Variants in FNBP4 observed in about 807,000 individuals in gnomAD.
FNBP4 encodes formin binding protein 4.
Under a neutral mutation model 119.3 loss-of-function variants are expected in FNBP4, and 34 were observed. The ratio of observed to expected loss-of-function variants is 0.28; its 90% CI spans 0.22 to 0.38. The LOEUF (loss-of-function observed/expected upper bound fraction) is 0.38, where lower values mean the gene tolerates loss of function less well. Ranked by LOEUF, FNBP4 falls within the 10% of genes least tolerant of loss-of-function variation. The probability of loss-of-function intolerance (pLI) is 1.00; values close to 1 mark genes in which losing one functional copy is unlikely to be tolerated. For missense variants in FNBP4, 1,112 were observed against 1,228.9 expected (o/e 0.90, Z 1.42); for synonymous variants, 462 against 430.6 (o/e 1.07, Z -0.90).
intron 12 of FNBP4, among the ~76,000 whole-genome samples, chr11:47,730,395 T>C (rs1420797367): frequency 6.6e-6 from 1 of 152,238 alleles, no homozygotes; most frequent in Non-Finnish European, 1.5e-5. Flanking sequence ...CAGTTGTATG[T>C]GACCTGCTGA....
intron 2 of FNBP4, among the ~76,000 whole-genome samples, chr11:47,764,138 C>G (rs1474499175): frequency 1.3e-5 from 2 of 151,658 alleles, no homozygotes; most frequent in Non-Finnish European, 2.9e-5. Flanking sequence ...TTATTTGAGA[C>G]AGGTTCTTAC....
chr11:47,721,754 T>C (rs996435166), intron 15 of FNBP4, among the ~76,000 whole-genome samples: 5 of 151,634 alleles, frequency 3.3e-5, no homozygotes, highest in Non-Finnish European at 7.4e-5. Flanking sequence ...TTTCAAAAGG[T>C]GGTATTTGTA....
chr11:47,762,990 C>A (rs190543185), intron 2 of FNBP4, among the ~76,000 whole-genome samples: 3 of 151,878 alleles, frequency 2.0e-5, no homozygotes, highest in African/African-American at 7.2e-5. Flanking sequence ...CCCACCTCAG[C>A]CTCCCAAAGC....
Position 47,767,211 on chromosome 11 carries a change from C to G in FNBP4, c.78G>C (p.Thr26=), listed in dbSNP as rs200802680. ...GTTCCGGCTCCGGGTCCCGGCCCGG[C>G]GTGCTGCCCCGAGGACCCGGCGGAG... ...QLSPPGPRGS[T]PGRDPEPEPD... is the part of the protein sequence containing the mutation. Residue 26 remains threonine, a synonymous_variant, in exon 1 of 17, where the codon ACG becomes ACC. Transcript: ENST00000263773. 2.6e-6 allele frequency: 4 copies of G among 1,565,882 alleles called. No homozygotes were observed. In the South Asian group the frequency reaches 4.7e-5, roughly 18 times the overall value.
In FNBP4 at chr11:47,724,017, T is replaced by C. The variant is rs779644385; in HGVS notation, c.2464+11A>G. ...TACATTGAGGAAAAACCACGCTCTA[T>C]GCACAATTACCTGTAGCTATAGCTG... On this transcript the variant is annotated intron_variant, in intron 14 of 16. Transcript: ENST00000263773. 8.7e-6 allele frequency: 14 copies of C among 1,612,652 alleles called. No homozygotes were observed. The highest frequency in any genetic ancestry group is 3.3e-4 in the Middle Eastern group (2 of 6,040).
At position 47,732,618 on chromosome 11, in the gene FNBP4, C is replaced by T. The variant is rs774140782; in HGVS notation, c.1739G>A (p.Arg580Gln). The change falls in exon 11 of 17, where the codon CGA (arginine) becomes CAA (glutamine). Residue 580 changes from arginine (R) to glutamine (Q), a missense_variant. Physicochemically the swap from Arg to Gln is conservative, Grantham distance 43 (BLOSUM62 1). This residue lies in a region of FNBP4 where 826 missense variants were observed against 988.8 expected (regional missense o/e 0.84). Coordinates refer to ENST00000263773, the MANE Select transcript of FNBP4 (RefSeq NM_015308.5). This position sits in a 1 kb window ranked among gnomAD's most constrained non-coding sequence, Gnocchi z 4.2. ...EGALNGNYLKRKLQDAAEQLK... is the reference protein window; with the variant it reads ...EGALNGNYLKQKLQDAAEQLK... ...TTGTTCTGCTGCATCCTGAAGTTTT[C>T]GTTTAAGGTAGTTTCCATTAAGAGC... The T allele has an allele frequency of 9.9e-6, 16 of 1,614,022 alleles. No homozygotes were observed. Among genetic ancestry groups the T allele is most frequent in the Admixed American group, 1.7e-5 (1 of 59,998 alleles).
At chr11:47,729,536 CTTG>C (rs1565127193) in intron 12 of FNBP4, 1 of 982,094 alleles carries the variant, frequency 1.0e-6, no homozygotes, top group Non-Finnish European at 1.2e-6. Context: ...GAGACAGGGT[CTTG>C]TTCTCTGTCG....
intron 8 of FNBP4, among the ~76,000 whole-genome samples, chr11:47,742,456 G>GGACA (rs1238459088): frequency 9.8e-6 from 1 of 101,890 alleles, no homozygotes; most frequent in Non-Finnish European, 1.9e-5. Context: ...CCAGGCTGGG[G>GGACA]GACAGAGCAA....
At chr11:47,723,879 G>GTT (rs78450562) in intron 14 of FNBP4, 149 bp downstream of exon 14, 8,086 of 547,964 alleles carry the variant, frequency 0.015, no homozygotes, top group South Asian at 0.025. Context: ...ACTGTCAAAA[G>GTT]TTTTTTTTTT....
intron 12 of FNBP4, chr11:47,726,493 A>G (rs1445880307): frequency 6.7e-6 from 1 of 150,178 alleles, no homozygotes; most frequent in Non-Finnish European, 1.5e-5. Flanking sequence ...CTTTTTATGG[A>G]ACAGACAGAC....
chr11:47,746,218 T>A lies in FNBP4; in HGVS notation c.1083A>T (p.Thr361=). The part of the protein sequence containing the change: ...PVSEVKETST[T]VEEATTIVKP... ...TTACTATTGTTGTTGCTTCTTCTAC[T>A]GTTGTACTTGTTTCTTTTACTTCTG... Residue 361 remains threonine (T), a synonymous_variant, in exon 7 of 17, where the codon ACA becomes ACT. Transcript: ENST00000263773. 4 of 1,614,204 alleles carry A rather than the reference T, an allele frequency of 2.5e-6. No homozygotes were observed. Among genetic ancestry groups the A allele is most frequent in the Non-Finnish European group, 3.4e-6 (4 of 1,180,028 alleles).
intron 12 of FNBP4, among the ~76,000 whole-genome samples, chr11:47,730,958 G>A (rs540627668): frequency 1.1e-3 from 174 of 152,280 alleles, no homozygotes; most frequent in Admixed American, 3.0e-3. Flanking sequence ...AAGATTAGTG[G>A]AGGTGAGAAA....
intron 12 of FNBP4, 22 bp downstream of exon 12, chr11:47,731,352 A>G (rs753756387): frequency 1.3e-6 from 2 of 1,565,958 alleles, no homozygotes; most frequent in East Asian, 2.3e-5. Context: ...TGGCTGAATT[A>G]GTACAAGGTA....
chr11:47,717,378 CACAAA>C lies in FNBP4; in HGVS notation c.*39_*43del. 2 of 1,345,352 alleles carry C rather than the reference CACAAA, an allele frequency of 1.5e-6. No individual in the cohort carries two copies. The highest frequency in any genetic ancestry group is 2.1e-6 in the Non-Finnish European group (2 of 951,148). 83.3% of individuals were successfully genotyped at this position (1,345,352 alleles called of 1,614,324 possible). A position where few individuals can be genotyped will look rare whatever the true frequency, so the allele number is the denominator to read the frequency against. On this transcript the variant is annotated 3_prime_UTR_variant, in exon 17 of 17. Coordinates refer to ENST00000263773, the MANE Select transcript of FNBP4 (RefSeq NM_015308.5). ...AAACTGGTTAAGACTTTGAACTGAA[CACAAA>C]ACAAACAATAATACAAAAAAGTTTT... is the stretch of plus-strand genomic sequence containing the variant.
intron 13 of FNBP4, 23 bp downstream of exon 13, chr11:47,724,445 G>C (rs1244705260): frequency 6.2e-7 from 1 of 1,614,046 alleles, no homozygotes; most frequent in Admixed American, 1.7e-5. Context: ...AAATCACTCA[G>C]AATGCCAAAG....
chr11:47,740,773 G>T (rs1234704918), intron 8 of FNBP4, among the ~76,000 whole-genome samples: 1 of 151,504 alleles, frequency 6.6e-6, no homozygotes, highest in Non-Finnish European at 1.5e-5. Context: ...TGTATTTTTA[G>T]TAGAGACGGG....
chr11:47,718,260 C>G (rs1005079864), intron 16 of FNBP4, among the ~76,000 whole-genome samples: 1 of 151,992 alleles, frequency 6.6e-6, no homozygotes, highest in African/African-American at 2.4e-5. Context: ...GTTGCCCAGA[C>G]TGGAGTGCAG....
At chr11:47,762,200 T>TA (rs753187603) in intron 2 of FNBP4, among the ~76,000 whole-genome samples, 11 of 151,386 alleles carry the variant, frequency 7.3e-5, no homozygotes, top group South Asian at 6.3e-4. Context: ...TGGTGTGGTC[T>TA]AGCTCATTGC....
intron 3 of FNBP4, 120 bp downstream of exon 3, chr11:47,754,408 G>T: frequency 1.1e-6 from 1 of 947,136 alleles, no homozygotes; most frequent in Non-Finnish European, 1.6e-6. Flanking sequence ...ACAAGAGAGT[G>T]TTGGAGGGAG....
Sources: allele counts gnomAD v4.1 joint callset (sites outside exome capture counted in the v4.1 genomes callset), GRCh38; gene constraint gnomAD v4.1.1; regional missense constraint gnomAD v4.1.1; non-coding constraint Gnocchi (gnomAD v3.1); transcripts MANE v1.5; gene names NCBI Gene and HGNC (gene_info 2026-07-23, HGNC 2026-07-21).